C21orf58: variants seen among roughly 807,000 people sequenced by gnomAD.
C21orf58 encodes the protein uncharacterized protein C21orf58.
A neutral mutation model predicts 35.8 loss-of-function variants in C21orf58; 34 were observed. The ratio of observed to expected loss-of-function variants is 0.95; its 90% CI spans 0.72 to 1.26. C21orf58 has a LOEUF of 1.26. C21orf58 is among the 50% of genes most tolerant of loss of function. The pLI is 0.00. For missense variants in C21orf58, 440 were observed against 414.3 expected (o/e 1.06, Z -0.54); for synonymous variants, 191 against 175.8 (o/e 1.09, Z -0.68).
At chr21:46,313,144 C>T (rs777351781) in intron 5 of C21orf58, 11 of 786,332 alleles carry the variant, frequency 1.4e-5, no homozygotes, top group African/African-American at 1.9e-5. Flanking sequence ...CTTGAGTTGG[C>T]CATTGCAGCA....
Position 46,318,068 on chromosome 21 carries a change from G to C in C21orf58, c.253C>G (p.Leu85Val). The change falls in exon 2 of 8, where the codon CTG (leucine) becomes GTG (valine). Residue 85 changes from leucine (L) to valine (V), a missense_variant. Coordinates refer to ENST00000291691, the MANE Select transcript of C21orf58 (RefSeq NM_058180.5). ...ACTTGCTCTGCTGCTGATGAGTCCAGCATGGTGGGAGCTGCAGGAGACGAC... is the reference window on the plus strand; with the variant it reads ...ACTTGCTCTGCTGCTGATGAGTCCACCATGGTGGGAGCTGCAGGAGACGAC... ...LQSSPAAPTM[L>V]DSSAAEQVTR... 6.2e-7 allele frequency: 1 copy of C among 1,613,504 alleles called. No homozygotes were observed. Among genetic ancestry groups the C allele is most frequent in the Non-Finnish European group, 8.5e-7 (1 of 1,180,028 alleles).
At chr21:46,305,691 G>C (rs1412059214) in intron 6 of C21orf58, among the ~76,000 whole-genome samples, 1 of 152,134 alleles carries the variant, frequency 6.6e-6, no homozygotes, top group African/African-American at 2.4e-5. Flanking sequence ...TGTAATCCCA[G>C]AACTTTGGGA....
chr21:46,306,053 T>C (rs1181568334), intron 6 of C21orf58, among the ~76,000 whole-genome samples: 1 of 137,590 alleles, frequency 7.3e-6, no homozygotes. Flanking sequence ...TTAGGTGATA[T>C]AGCAACACTG....
intron 1 of C21orf58, chr21:46,318,850 A>G (rs2083068872): frequency 1.0e-6 from 1 of 987,454 alleles, no homozygotes; most frequent in Non-Finnish European, 1.2e-6. Context: ...GTGACGCAAA[A>G]CAGGAGCGTG....
At chr21:46,318,345 T>G in intron 1 of C21orf58, 125 bp from the exon 2 acceptor site, 1 of 1,487,730 alleles carries the variant, frequency 6.7e-7, no homozygotes, top group Admixed American at 2.2e-5. Context: ...GGCCCCAGGT[T>G]GCCAGGTTTC....
chr21:46,315,947 G>A (rs2082961302), intron 3 of C21orf58, among the ~76,000 whole-genome samples: 1 of 152,140 alleles, frequency 6.6e-6, no homozygotes, highest in Admixed American at 6.5e-5. Flanking sequence ...GGCCCCAAGT[G>A]GTCTAGAGTC....
chr21:46,311,346 T>G (rs902441682), intron 6 of C21orf58, 110 bp downstream of exon 6: 39 of 486,940 alleles, frequency 8.0e-5, no homozygotes, highest in African/African-American at 7.3e-4. Context: ...ATTATTTTCA[T>G]GTTGAACAGC....
intron 6 of C21orf58, among the ~76,000 whole-genome samples, chr21:46,307,770 A>G (rs997430194): frequency 6.6e-6 from 1 of 152,172 alleles, no homozygotes; most frequent in Non-Finnish European, 1.5e-5. Context: ...CTGTCAGGTG[A>G]TTCAGCCATT....
Position 46,322,669 on chromosome 21 carries a change from A to T in C21orf58, c.70T>A (p.Ser24Thr), listed in dbSNP as rs1022297123. ...PWKLDRQKLPSPDSGHSLLCG... is the reference protein window; with the variant it reads ...PWKLDRQKLPTPDSGHSLLCG... ...AGAAGACTGTGGCCTGAGTCAGGAG[A>T]AGGAAGTTTCTGGCGGTCGAGCTTC... The change falls in exon 1 of 8, where the codon TCT becomes ACT. Residue 24 changes from serine (S) to threonine (T), a missense_variant. Coordinates refer to ENST00000291691, the MANE Select transcript of C21orf58 (RefSeq NM_058180.5). The T allele has an allele frequency of 2.5e-6, 4 of 1,593,824 alleles. No individual in the cohort carries two copies. In the African/African-American group the frequency reaches 5.4e-5, roughly 21 times the overall value.
At position 46,312,808 on chromosome 21, in the gene C21orf58, G is replaced by A. The variant is rs572096814; in HGVS notation, c.610-1241C>T. Reference sequence around the variant, plus strand: ...TGGGTAGGATGGCCGCATCCCAACAGGCGTTCTCAATTCTGTCCCAGTGAC... The same window carrying A: ...TGGGTAGGATGGCCGCATCCCAACAAGCGTTCTCAATTCTGTCCCAGTGAC... On this transcript the variant is annotated intron_variant, in intron 5 of 7. Coordinates refer to ENST00000291691, the MANE Select transcript of C21orf58 (RefSeq NM_058180.5). Among the ~76,000 whole-genome samples the A allele has an allele frequency of 9.8e-5, 15 of 152,326 alleles. No individual in the cohort carries two copies. In the East Asian group the frequency reaches 2.5e-3, roughly 25 times the overall value.
At chr21:46,307,853 C>T (rs796118930) in intron 6 of C21orf58, among the ~76,000 whole-genome samples, 16 of 152,292 alleles carry the variant, frequency 1.1e-4, no homozygotes, top group African/African-American at 3.8e-4. Flanking sequence ...CACAATCAAC[C>T]ACCACTGCAT....
At chr21:46,309,495 A>G (rs1041822445) in intron 6 of C21orf58, among the ~76,000 whole-genome samples, 10 of 152,062 alleles carry the variant, frequency 6.6e-5, no homozygotes, top group African/African-American at 2.4e-4. Context: ...AGTTTCAGAT[A>G]TTCTGAGCAA....
chr21:46,314,756 G>C lies in C21orf58; in HGVS notation c.569C>G (p.Ser190Cys). The change falls in exon 5 of 8, where the codon TCC becomes TGC. Residue 190 changes from serine to cysteine, a missense_variant. Ser to Cys is a moderately radical substitution (Grantham distance 112). Transcript: ENST00000291691. Reference sequence around the variant, plus strand: ...CCTTGGCGGGTCTGGGGCCAGCGGGGATGGGGAGGCAGTGGGTAGGATGCC... The same window carrying C: ...CCTTGGCGGGTCTGGGGCCAGCGGGCATGGGGAGGCAGTGGGTAGGATGCC... Reference protein sequence around the residue: ...PTGILPTASPSPLAPDPPRII... With the variant: ...PTGILPTASPCPLAPDPPRII... 6.6e-7 allele frequency: 1 copy of C among 1,508,240 alleles called. No homozygotes were observed. The highest frequency in any genetic ancestry group is 1.3e-5 in the South Asian group (1 of 78,262). 93.4% of individuals were successfully genotyped at this position (1,508,240 alleles called of 1,614,324 possible).
At chr21:46,314,225 G>A (rs1195289460) in intron 5 of C21orf58, among the ~76,000 whole-genome samples, 4 of 151,494 alleles carry the variant, frequency 2.6e-5, no homozygotes, top group African/African-American at 9.7e-5. Flanking sequence ...CTACAGGCAT[G>A]CACCACCACG....
intron 1 of C21orf58, among the ~76,000 whole-genome samples, chr21:46,320,226 C>G (rs1000156510): frequency 1.3e-5 from 2 of 151,946 alleles, no homozygotes; most frequent in African/African-American, 4.8e-5. Context: ...CCTCAGCCTC[C>G]CGAGTAGCTG....
intron 1 of C21orf58, among the ~76,000 whole-genome samples, chr21:46,320,251 C>T (rs1412482209): frequency 6.6e-6 from 1 of 151,886 alleles, no homozygotes; most frequent in African/African-American, 2.4e-5. Context: ...TACAGGTGCA[C>T]GCCACCACGC....
chr21:46,317,189 G>A lies in C21orf58; in HGVS notation c.370+19C>T. 1 of 1,606,792 alleles carries A rather than the reference G, an allele frequency of 6.2e-7. No homozygotes were observed. Among genetic ancestry groups the A allele is most frequent in the Non-Finnish European group, 8.5e-7 (1 of 1,177,958 alleles). ...TTGCGTCTGTCTGTGCTGGTTCCAA[G>A]CAGCCCAGGGGCTCTCACCTGGCTC... On this transcript the variant is annotated intron_variant, in intron 3 of 7. Transcript: ENST00000291691.
At position 46,322,857 on chromosome 21, in the gene C21orf58, G is replaced by A. The variant is rs972699047; in HGVS notation, c.-119C>T. The stretch of plus-strand genomic sequence containing the variant: ...TTGCAGTTGCTGAGGAGGCTGCAAG[G>A]TGAGCTTGCGTCAGCGAGGAGCCAC... On this transcript the variant is annotated 5_prime_UTR_variant, in exon 1 of 8. Transcript: ENST00000291691. The A allele has an allele frequency of 6.2e-6, 4 of 642,420 alleles. No homozygotes were observed. The highest frequency in any genetic ancestry group is 9.8e-6 in the Non-Finnish European group (4 of 408,484). The allele number at this position is 642,420 out of a possible 1,614,324, so 39.8% of individuals were successfully genotyped here. A position where few individuals can be genotyped will look rare whatever the true frequency, so the allele number is the denominator to read the frequency against.
chr21:46,315,541 T>A lies in C21orf58; in HGVS notation c.377A>T (p.Glu126Val). 1 of 1,609,102 alleles carries A rather than the reference T, an allele frequency of 6.2e-7. No individual in the cohort carries two copies. Among genetic ancestry groups the A allele is most frequent in the Non-Finnish European group, 8.5e-7 (1 of 1,175,896 alleles). ...PEGLHLEPGN[E>V]DRPDDALQTA... ...CTGCAGGGCATCGTCCGGCCGGTCC[T>A]CATTTCCTGGAGGGAAGAACCTGCT... Residue 126 changes from glutamate to valine, a missense_variant, in exon 4 of 8, where the codon GAG becomes GTG. Transcript: ENST00000291691.
Sources: gnomAD v4.1 joint callset for allele counts (sites outside exome capture counted in the v4.1 genomes callset) on GRCh38, gnomAD v4.1.1 for gene constraint, MANE v1.5 for transcripts, NCBI Gene and HGNC (gene_info 2026-07-23, HGNC 2026-07-21) for gene names.